LLGL1: variants seen among roughly 807,000 people sequenced by gnomAD.
LLGL1 encodes the protein LLGL scribble cell polarity complex component 1, also known as lethal(2) giant larvae protein homolog 1.
A neutral mutation model predicts 110.6 loss-of-function variants in LLGL1; 58 were observed. That is an observed-to-expected ratio of 0.52 (90% CI 0.42 to 0.65). The LOEUF (loss-of-function observed/expected upper bound fraction) is 0.65, where lower values mean the gene tolerates loss of function less well. LLGL1 is among the 30% of genes least tolerant of loss of function. LLGL1 has a pLI of 0.00. For synonymous variants in LLGL1, 674 were observed against 607.2 expected (o/e 1.11, Z -1.62); for missense variants, 1,229 against 1,462.1 (o/e 0.84, Z 2.60).
chr17:18,237,557 G>A lies in LLGL1; in HGVS notation c.1688G>A (p.Arg563His), dbSNP rs377512205. ...GCCATCATAGACCTCCTCCAGGACC[G>A]CGAGGGCTTCACATGGAAGGGCCAC... ...SVAIIDLLQD[R>H]EGFTWKGHER... is the part of the protein sequence containing the mutation. The change falls in exon 14 of 23, where the codon CGC (arginine) becomes CAC (histidine). Residue 563 changes from arginine (R) to histidine (H), a missense_variant. Coordinates refer to ENST00000316843, the MANE Select transcript of LLGL1 (RefSeq NM_004140.4). 8 of 1,609,506 alleles carry A rather than the reference G, an allele frequency of 5.0e-6. No individual in the cohort carries two copies. Among genetic ancestry groups the A allele is most frequent in the African/African-American group, 1.3e-5 (1 of 74,836 alleles).
chr17:18,235,049 C>T, intron 9 of LLGL1, 40 bp from the exon 10 acceptor site: 1 of 1,613,818 alleles, frequency 6.2e-7, no homozygotes, highest in Non-Finnish European at 8.5e-7. Context: ...CCCTCTGCCA[C>T]CTATGGCTGT....
At chr17:18,242,707 C>T in intron 21 of LLGL1, 36 bp from the exon 22 acceptor site, 1 of 1,560,514 alleles carries the variant, frequency 6.4e-7, no homozygotes, top group Non-Finnish European at 8.7e-7. Context: ...AGGGGCTCCC[C>T]CGCCCCCACC....
rs1411471395 is a variant in LLGL1, at chr17:18,234,716, A to G, written c.905+13A>G. The G allele has an allele frequency of 6.2e-7, 1 of 1,613,892 alleles. No homozygotes were observed. Among genetic ancestry groups the G allele is most frequent in the East Asian group, 2.2e-5 (1 of 44,872 alleles). ...ACTGTGAATCTGGGTAGGTCGAGGG[A>G]GTGGGTGTCCGATGTGAGTTGGGTC... On this transcript the variant is annotated intron_variant, in intron 8 of 22. Transcript: ENST00000316843.
intron 4 of LLGL1, 102 bp downstream of exon 4, chr17:18,232,904 C>A: frequency 1.3e-6 from 2 of 1,487,928 alleles, no homozygotes; most frequent in Non-Finnish European, 1.8e-6. Flanking sequence ...GGCAGCGGTT[C>A]AGGGCGGGAT....
At chr17:18,241,771 C>G (rs999507041) in intron 18 of LLGL1, 56 bp downstream of exon 18, 7 of 1,607,994 alleles carry the variant, frequency 4.4e-6, no homozygotes, top group Non-Finnish European at 5.9e-6. Flanking sequence ...CTGAGTGGGA[C>G]CAGTACTGCT....
chr17:18,244,708 G>A lies in LLGL1; in HGVS notation c.*802G>A, dbSNP rs2047947687. 7.0e-6 allele frequency: 1 copy of A among 142,990 alleles called. No homozygotes were observed. Among genetic ancestry groups the A allele is most frequent in the African/African-American group, 2.9e-5 (1 of 34,640 alleles). The allele number at this position is 142,990 out of a possible 1,614,324, so 8.9% of individuals were successfully genotyped here. On this transcript the variant is annotated 3_prime_UTR_variant, in exon 23 of 23. Coordinates refer to ENST00000316843, the MANE Select transcript of LLGL1 (RefSeq NM_004140.4). ...GCACCCACATCTGGGGCCTAGTCAG[G>A]TGTGTGTGTCCGGCGGGGGGGGGGG...
At position 18,238,132 on chromosome 17, in the gene LLGL1, A is replaced by G; in HGVS notation, c.1970A>G (p.Lys657Arg). Residue 657 changes from lysine to arginine, a missense_variant, in exon 15 of 23, where the codon AAG (lysine) becomes AGG (arginine). Physicochemically the swap from Lys to Arg is conservative, Grantham distance 26. Coordinates refer to ENST00000316843, the MANE Select transcript of LLGL1 (RefSeq NM_004140.4). Reference sequence around the variant, plus strand: ...CCGCTCTCCCGGGTGAAGTCTCTCAAGAAGTCACTGCGCCAGTCTTTCCGG... The same window carrying G: ...CCGCTCTCCCGGGTGAAGTCTCTCAGGAAGTCACTGCGCCAGTCTTTCCGG... ...EGPLSRVKSL[K>R]KSLRQSFRRI... 1 of 1,613,858 alleles carries G rather than the reference A, an allele frequency of 6.2e-7. No individual in the cohort carries two copies. The highest frequency in any genetic ancestry group is 8.5e-7 in the Non-Finnish European group (1 of 1,180,014).
At position 18,225,652 on chromosome 17, in the gene LLGL1, G is replaced by A. The variant is rs772467553; in HGVS notation, c.-31G>A. Reference sequence around the variant, plus strand: ...CGCGGCGCATCCTGCGGGCGGCGGCGGCGGGCGAGGCGCCTGCAGCCGGGC... The same window carrying A: ...CGCGGCGCATCCTGCGGGCGGCGGCAGCGGGCGAGGCGCCTGCAGCCGGGC... On this transcript the variant is annotated 5_prime_UTR_variant, in exon 1 of 23. Transcript: ENST00000316843. The A allele has an allele frequency of 2.1e-6, 2 of 970,044 alleles. No individual in the cohort carries two copies. The highest frequency in any genetic ancestry group is 2.2e-4 in the East Asian group (2 of 9,038). The allele number at this position is 970,044 out of a possible 1,614,324, so 60.1% of individuals were successfully genotyped here.
chr17:18,234,246 T>C, intron 6 of LLGL1, 27 bp from the exon 7 acceptor site: 1 of 1,595,524 alleles, frequency 6.3e-7, no homozygotes, highest in Non-Finnish European at 8.5e-7. Context: ...CATGCCTGCC[T>C]GCCTGCCTGC....
At chr17:18,230,219 A>G (rs2047537621) in intron 2 of LLGL1, among the ~76,000 whole-genome samples, 181 bp downstream of exon 2, 1 of 152,160 alleles carries the variant, frequency 6.6e-6, no homozygotes, top group Non-Finnish European at 1.5e-5. Flanking sequence ...ACAACTGTGC[A>G]GAGATGATGG....
intron 7 of LLGL1, 55 bp downstream of exon 7, chr17:18,234,463 A>G: frequency 6.3e-7 from 1 of 1,596,618 alleles, no homozygotes; most frequent in Non-Finnish European, 8.5e-7. Context: ...GGCACCACTG[A>G]GCCAAGCCAA....
Position 18,235,180 on chromosome 17 carries a change from C to A in LLGL1, c.1152C>A (p.Ala384=), listed in dbSNP as rs1463957275. The A allele has an allele frequency of 1.2e-6, 2 of 1,612,962 alleles. No individual in the cohort carries two copies. Among genetic ancestry groups the A allele is most frequent in the East Asian group, 2.2e-5 (1 of 44,878 alleles). The part of the protein sequence containing the change: ...LQTPGWPAVP[A]PYLAPLHSSA... ...CTCCTGGCTGGCCAGCTGTGCCTGC[C>A]CCATACCTGGCCCCGCTGCACTCCT... Residue 384 remains alanine (A), a synonymous_variant, in exon 10 of 23, where the codon GCC becomes GCA. Transcript: ENST00000316843.
At chr17:18,230,162 C>A in intron 2 of LLGL1, 124 bp downstream of exon 2, 1 of 679,040 alleles carries the variant, frequency 1.5e-6, no homozygotes, top group Non-Finnish European at 2.5e-6. Flanking sequence ...CTCTGATGGG[C>A]AGTAGTGGGG....
Position 18,237,719 on chromosome 17 carries a change from C to A in LLGL1, c.1850C>A (p.Thr617Asn), listed in dbSNP as rs747843543. The A allele has an allele frequency of 3.1e-6, 5 of 1,612,828 alleles. No individual in the cohort carries two copies. The highest frequency in any genetic ancestry group is 4.2e-6 in the Non-Finnish European group (5 of 1,179,938). The change falls in exon 14 of 23, where the codon ACC becomes AAC. Residue 617 changes from threonine (T) to asparagine (N), a missense_variant. Physicochemically the swap from Thr to Asn is moderately conservative, Grantham distance 65. Transcript: ENST00000316843. The part of the protein sequence containing the change: ...HTEWSLVAFG[T>N]SHGFGLFDYQ... ...GAGTGGAGCCTCGTGGCTTTTGGCA[C>A]CAGTCATGGCTTTGGCCTCTTCGAC...
chr17:18,227,372 A>G (rs1282989597), intron 1 of LLGL1, among the ~76,000 whole-genome samples: 5 of 148,628 alleles, frequency 3.4e-5, no homozygotes, highest in Non-Finnish European at 7.4e-5. Context: ...GAAAGGCAGC[A>G]ACAGGCACAG....
At chr17:18,226,905 C>T (rs766332748) in intron 1 of LLGL1, among the ~76,000 whole-genome samples, 2 of 152,268 alleles carry the variant, frequency 1.3e-5, no homozygotes, top group African/African-American at 2.4e-5. Context: ...TTAGAGTTAT[C>T]TTCAAAATAC....
chr17:18,237,005 G>A (rs1026201220), intron 13 of LLGL1, 66 bp downstream of exon 13: 1 of 1,361,042 alleles, frequency 7.3e-7, no homozygotes, highest in Non-Finnish European at 1.0e-6. Flanking sequence ...TGAGCTGGAG[G>A]GTCTGGTGGA....
chr17:18,228,262 G>T (rs1764431849), intron 1 of LLGL1, among the ~76,000 whole-genome samples: 1 of 152,236 alleles, frequency 6.6e-6, no homozygotes, highest in African/African-American at 2.4e-5. Context: ...GCTGCAGCCA[G>T]GGTGGCCTTG....
intron 15 of LLGL1, 112 bp downstream of exon 15, chr17:18,238,326 C>T (rs1276491166): frequency 3.8e-5 from 60 of 1,575,874 alleles, no homozygotes; most frequent in Non-Finnish European, 5.0e-5. Flanking sequence ...TCGGCAGCCC[C>T]TGGGCCCTCC....
Sources: allele counts gnomAD v4.1 joint callset (sites outside exome capture counted in the v4.1 genomes callset), GRCh38; gene constraint gnomAD v4.1.1; transcripts MANE v1.5; gene names NCBI Gene and HGNC (gene_info 2026-07-23, HGNC 2026-07-21).